The following CIITA variants were observed in gnomAD, a reference collection of about 807,000 sequenced individuals.
CIITA encodes MHC class II transactivator.
A neutral mutation model predicts 115.1 loss-of-function variants in CIITA; 72 were observed. The observed-to-expected ratio is 0.63, with a 90% CI of 0.52 to 0.76. The LOEUF (loss-of-function observed/expected upper bound fraction) is 0.76. CIITA is among the 30% of genes least tolerant of loss of function. The pLI is 0.00. For synonymous variants in CIITA, 763 were observed against 635.6 expected (o/e 1.20, Z -3.02); for missense variants, 1,617 against 1,463.8 (o/e 1.10, Z -1.71).
chr16:10,889,538 G>C (rs763539518), intron 1 of CIITA, among the ~76,000 whole-genome samples: 1 of 144,480 alleles, frequency 6.9e-6, no homozygotes, highest in Non-Finnish European at 1.5e-5. Context: ...TTTTTTTTTT[G>C]AGATGGTATC....
upstream of CIITA, among the ~76,000 whole-genome samples, chr16:10,876,532 C>T (rs1397941794): frequency 6.6e-6 from 1 of 152,248 alleles, no homozygotes; most frequent in Non-Finnish European, 1.5e-5. Context: ...CAAGCTGAGA[C>T]TTCCTCCTTG....
intron 1 of CIITA, among the ~76,000 whole-genome samples, chr16:10,887,250 G>A (rs189641277): frequency 3.3e-5 from 5 of 152,086 alleles, no homozygotes; most frequent in Non-Finnish European, 7.4e-5. Context: ...TGTTGGGGGG[G>A]GCCTTGGGGG....
In CIITA at chr16:10,907,885, C is replaced by G. The variant is rs762042705; in HGVS notation, c.2393C>G (p.Pro798Arg). 6.2e-7 allele frequency: 1 copy of G among 1,601,362 alleles called. No homozygotes were observed. The highest frequency in any genetic ancestry group is 1.3e-5 in the African/African-American group (1 of 74,560). The change falls in exon 11 of 20, where the codon CCG becomes CGG. Residue 798 changes from proline to arginine, a missense_variant. Coordinates refer to ENST00000324288, the MANE Select transcript of CIITA (RefSeq NM_000246.4). The surrounding 1 kb of genome is among the most constrained non-coding windows in gnomAD (Gnocchi z 5.0). ...GCGAGGTACCTGAAGCGGCTGCAGC[C>G]GGGGACACTGCGGGCGCGGCAGCTG... is the stretch of plus-strand genomic sequence containing the variant. ...VLARYLKRLQ[P>R]GTLRARQLLE... is the part of the protein sequence containing the mutation.
upstream of CIITA, among the ~76,000 whole-genome samples, chr16:10,876,545 A>C (rs996459927): frequency 6.6e-6 from 1 of 152,208 alleles, no homozygotes; most frequent in Non-Finnish European, 1.5e-5. Context: ...CCTCCTTGAT[A>C]CCACCAGGAG....
intron 13 of CIITA, among the ~76,000 whole-genome samples, chr16:10,911,954 C>G (rs2039613862): frequency 1.3e-5 from 2 of 152,206 alleles, no homozygotes; most frequent in Admixed American, 1.3e-4. Flanking sequence ...AATGGCAATG[C>G]TGAGAACAAG....
rs1179341049 is a variant in CIITA at position 10,908,981 on chromosome 16, AGGTCTAGCCT to A, written c.2658-43_2658-34del. On this transcript the variant is annotated intron_variant, in intron 11 of 19. Coordinates refer to ENST00000324288, the MANE Select transcript of CIITA (RefSeq NM_000246.4). ...CCTTCATGGAGCTGCCCTTCCATTA[AGGTCTAGCCT>A]GGTCACCGTGCCTGGGTCTGAGGCC... The A allele has an allele frequency of 1.9e-6, 3 of 1,613,364 alleles. No homozygotes were observed. The African/African-American group carries it at 4.0e-5, about 22-fold the overall frequency.
At chr16:10,899,242 C>G (rs1312565875) in intron 5 of CIITA, among the ~76,000 whole-genome samples, 1 of 152,208 alleles carries the variant, frequency 6.6e-6, no homozygotes, top group Non-Finnish European at 1.5e-5. Context: ...CCTCTCCAAA[C>G]CCACTATGAG....
rs910278904 is a variant in CIITA at position 10,920,844 on chromosome 16, T to G, written c.3150-1323T>G. Among the ~76,000 whole-genome samples, 1 of 152,216 alleles carries G rather than the reference T, an allele frequency of 6.6e-6. No homozygotes were observed. The highest frequency in any genetic ancestry group is 2.4e-5 in the African/African-American group (1 of 41,456). ...GTGAGTTGATTTAGCCTGAATCCAC[T>G]TGGCAGCAGTGTAAACCTGCTGCAT... On this transcript the variant is annotated intron_variant, in intron 16 of 19. Coordinates refer to ENST00000324288, the MANE Select transcript of CIITA (RefSeq NM_000246.4). The surrounding 1 kb of genome is among the most constrained non-coding windows in gnomAD (Gnocchi z 4.5).
chr16:10,895,607 C>G (rs558934458), intron 2 of CIITA, 62 bp from the exon 3 acceptor site: 1 of 1,601,262 alleles, frequency 6.2e-7, no homozygotes, highest in Non-Finnish European at 8.6e-7. Context: ...GCCTCTCCCT[C>G]GTTCCCCACC....
At chr16:10,917,243 A>G (rs2040004161) in intron 15 of CIITA, among the ~76,000 whole-genome samples, 1 of 149,592 alleles carries the variant, frequency 6.7e-6, no homozygotes. Flanking sequence ...TGGTGTAATC[A>G]TGGCTCACTG....
intron 1 of CIITA, among the ~76,000 whole-genome samples, chr16:10,891,885 G>C (rs1056927892): frequency 2.0e-5 from 3 of 152,282 alleles, no homozygotes; most frequent in African/African-American, 7.2e-5. Flanking sequence ...TTATGTTTGG[G>C]TTCCTGCAGC....
chr16:10,942,070 G>A lies in CIITA; in HGVS notation n.1196G>A. The A allele has an allele frequency of 7.8e-7, 1 of 1,285,420 alleles. No individual in the cohort carries two copies. Among genetic ancestry groups the A allele is most frequent in the Non-Finnish European group, 1.0e-6 (1 of 1,004,346 alleles). 79.6% of individuals were successfully genotyped at this position (1,285,420 alleles called of 1,614,324 possible). A position where few individuals can be genotyped will look rare whatever the true frequency, so the allele number is the denominator to read the frequency against. On this transcript the variant is annotated non_coding_transcript_exon_variant, in exon 2 of 2. Coordinates refer to the CIITA transcript ENST00000573379. This position sits in a 1 kb window ranked among gnomAD's most constrained non-coding sequence, Gnocchi z 5.0. ...AACTCAGCCGCTGCGGCGCCCGGGC[G>A]GCCGGCGAGGGCACAGCGCAGCCAT...
chr16:10,893,325 C>T (rs2037783562), intron 1 of CIITA, among the ~76,000 whole-genome samples: 1 of 152,132 alleles, frequency 6.6e-6, no homozygotes. Context: ...TGGACCTGAA[C>T]CACGGATCCT....
intron 10 of CIITA, among the ~76,000 whole-genome samples, chr16:10,905,585 AC>A (rs1189305049): frequency 2.0e-5 from 3 of 151,956 alleles, no homozygotes; most frequent in Non-Finnish European, 2.9e-5. Context: ...ACATAGTGAA[AC>A]CCCGTCTCCA....
At position 10,931,724 on chromosome 16, in the gene CIITA, A is replaced by T. The variant is rs560856444; in HGVS notation, c.*7869A>T. The T allele has an allele frequency of 6.6e-6, 1 of 152,302 alleles. No homozygotes were observed. Among genetic ancestry groups the T allele is most frequent in the South Asian group, 2.1e-4 (1 of 4,830 alleles). The allele number at this position is 152,302 out of a possible 1,614,324, so 9.4% of individuals were successfully genotyped here. A position where few individuals can be genotyped will look rare whatever the true frequency, so the allele number is the denominator to read the frequency against. On this transcript the variant is annotated 3_prime_UTR_variant, in exon 20 of 20. Transcript: ENST00000324288. ...GAAACCGCGTCTCTACTAAAAACAA[A>T]CAAACAAAAATACAAAATTCGCTGG...
At chr16:10,887,859 GCCTTCTTCTC>G in intron 1 of CIITA, among the ~76,000 whole-genome samples, 1 of 152,240 alleles carries the variant, frequency 6.6e-6, no homozygotes, top group South Asian at 2.1e-4. Context: ...TAGCAAAAGA[GCCTTCTTCTC>G]CCTTTCAGTG....
chr16:10,942,744 A>C lies in CIITA; in HGVS notation n.1870A>C, dbSNP rs766337292. 2 of 152,404 alleles carry C rather than the reference A, an allele frequency of 1.3e-5. No individual in the cohort carries two copies. Among genetic ancestry groups the C allele is most frequent in the Non-Finnish European group, 2.9e-5 (2 of 68,048 alleles). The allele number at this position is 152,404 out of a possible 1,614,324, so 9.4% of individuals were successfully genotyped here. A position where few individuals can be genotyped will look rare whatever the true frequency, so the allele number is the denominator to read the frequency against. On this transcript the variant is annotated non_coding_transcript_exon_variant, in exon 2 of 2. Transcript: ENST00000573379. This position sits in a 1 kb window ranked among gnomAD's most constrained non-coding sequence, Gnocchi z 5.0. ...CATAATGCTAAGGCCGCAAAAGCCG[A>C]AGGAAACCCGGGCTACCGCTGCACC... is the stretch of plus-strand genomic sequence containing the variant.
chr16:10,899,964 C>T (rs1198865407), intron 5 of CIITA, among the ~76,000 whole-genome samples: 1 of 152,068 alleles, frequency 6.6e-6, no homozygotes, highest in East Asian at 1.9e-4. Context: ...GCCTGTAATC[C>T]CAGCTACTCG....
rs950706950 is a variant in CIITA at position 10,942,500 on chromosome 16, A to T, written n.1626A>T. 1 of 152,256 alleles carries T rather than the reference A, an allele frequency of 6.6e-6. No individual in the cohort carries two copies. Among genetic ancestry groups the T allele is most frequent in the Non-Finnish European group, 1.5e-5 (1 of 68,142 alleles). 9.4% of individuals were successfully genotyped at this position (152,256 alleles called of 1,614,324 possible). A position where few individuals can be genotyped will look rare whatever the true frequency, so the allele number is the denominator to read the frequency against. The stretch of plus-strand genomic sequence containing the variant: ...CCGCCTCCCGAGGGGCCCCGAGCTC[A>T]TTGGCAGGCCGCCCCCTGCACGCGC... On this transcript the variant is annotated non_coding_transcript_exon_variant, in exon 2 of 2. Transcript: ENST00000573379. This position sits in a 1 kb window ranked among gnomAD's most constrained non-coding sequence, Gnocchi z 5.0.
Sources: allele counts gnomAD v4.1 joint callset (sites outside exome capture counted in the v4.1 genomes callset), GRCh38; gene constraint gnomAD v4.1.1; non-coding constraint Gnocchi (gnomAD v3.1); transcripts MANE v1.5; gene names NCBI Gene and HGNC (gene_info 2026-07-23, HGNC 2026-07-21).